The following GPC5 variants were observed in gnomAD, a reference collection of about 807,000 sequenced individuals.
GPC5 encodes the protein glypican 5, also known as glypican-5.
A neutral mutation model predicts 53.9 loss-of-function variants in GPC5; 47 were observed. The ratio of observed to expected loss-of-function variants is 0.87; its 90% CI spans 0.69 to 1.11. GPC5 has a LOEUF of 1.11. GPC5 is among the 50% of genes most tolerant of loss of function. The pLI is 0.00. For missense variants in GPC5, 748 were observed against 713.1 expected, an observed-to-expected ratio of 1.05 and a Z score of -0.56; for synonymous variants, 286 against 263.3, an observed-to-expected ratio of 1.09 and a Z score of -0.84.
intron 2 of GPC5, 110 bp downstream of exon 2, chr13:91,449,032 A>T (rs1880998994): frequency 8.3e-7 from 1 of 1,210,544 alleles, no homozygotes; most frequent in African/African-American, 1.5e-5. Context: ...TTTACATAAT[A>T]TTCGGGTATA....
rs774150879 is a variant in GPC5 at position 92,679,095 on chromosome 13, C to T, written c.1562-187187C>T. ...GATGTTAGATATCTAAATCTGAGTT[C>T]GGGAGATTTGAATGCATAGAAAATT... On this transcript the variant is annotated intron_variant, in intron 7 of 7. Transcript: ENST00000377067. 4.6e-5 allele frequency among the ~76,000 whole-genome samples: 7 copies of T among 152,036 alleles called. No individual in the cohort carries two copies. In the East Asian group the frequency reaches 5.8e-4, roughly 13 times the overall value.
At chr13:92,065,210 G>T (rs1423589303) in intron 6 of GPC5, among the ~76,000 whole-genome samples, 1 of 152,084 alleles carries the variant, frequency 6.6e-6, no homozygotes, top group East Asian at 1.9e-4. Flanking sequence ...TATCTATCAA[G>T]TGTTCAAATT....
At chr13:92,284,080 CA>C (rs1228422331) in intron 7 of GPC5, among the ~76,000 whole-genome samples, 7 of 152,152 alleles carry the variant, frequency 4.6e-5, no homozygotes, top group African/African-American at 1.7e-4. Flanking sequence ...CACAGAAATA[CA>C]AACTACCATC....
intron 4 of GPC5, among the ~76,000 whole-genome samples, chr13:91,748,353 C>T (rs2037097042): frequency 6.6e-6 from 1 of 152,108 alleles, no homozygotes; most frequent in South Asian, 2.1e-4. Context: ...TGCAACACAC[C>T]AGAAAGGTCT....
intron 7 of GPC5, 140 bp downstream of exon 7, chr13:92,145,129 GT>G: frequency 1.4e-6 from 1 of 717,060 alleles, no homozygotes; most frequent in Non-Finnish European, 2.0e-6. Flanking sequence ...TCTATTTTTG[GT>G]TTTTTAGGAC....
At chr13:91,799,586 T>A (rs184782806) in intron 5 of GPC5, among the ~76,000 whole-genome samples, 1 of 152,270 alleles carries the variant, frequency 6.6e-6, no homozygotes, top group East Asian at 1.9e-4. Flanking sequence ...TACTATAAAA[T>A]GTTTTATAGC....
chr13:92,548,866 T>A (rs1329603362), intron 7 of GPC5, among the ~76,000 whole-genome samples: 1 of 152,048 alleles, frequency 6.6e-6, no homozygotes, highest in Non-Finnish European at 1.5e-5. Context: ...TATCAAAACA[T>A]CTCATGTGCC....
chr13:92,201,517 T>C (rs571087444), intron 7 of GPC5, among the ~76,000 whole-genome samples: 28 of 152,346 alleles, frequency 1.8e-4, no homozygotes, highest in African/African-American at 6.3e-4. Flanking sequence ...ACAGCAGTGA[T>C]GCATGCATTT....
At chr13:92,390,979 C>T (rs1456031320) in intron 7 of GPC5, among the ~76,000 whole-genome samples, 7 of 151,874 alleles carry the variant, frequency 4.6e-5, no homozygotes, top group Non-Finnish European at 8.8e-5. Flanking sequence ...TATATGGTTT[C>T]ACTTCAAAAT....
chr13:92,086,719 A>G (rs1160921566), intron 6 of GPC5, among the ~76,000 whole-genome samples: 1 of 150,578 alleles, frequency 6.6e-6, no homozygotes, highest in Admixed American at 6.6e-5. Flanking sequence ...AGTGCAGTGG[A>G]GCAATCTTGG....
At chr13:91,910,234 T>C (rs1255561614) in intron 6 of GPC5, among the ~76,000 whole-genome samples, 1 of 152,182 alleles carries the variant, frequency 6.6e-6, no homozygotes, top group Non-Finnish European at 1.5e-5. Context: ...TGACTACTGA[T>C]AATGTACACG....
At chr13:92,763,917 G>A (rs1254358655) in intron 7 of GPC5, among the ~76,000 whole-genome samples, 1 of 152,094 alleles carries the variant, frequency 6.6e-6, no homozygotes, top group Admixed American at 6.5e-5. Flanking sequence ...ACCATATAGT[G>A]CACTCCGTAG....
intron 7 of GPC5, among the ~76,000 whole-genome samples, chr13:92,419,788 G>GTTTTTTTATTA (rs1876479952): frequency 6.6e-6 from 1 of 152,074 alleles, no homozygotes; most frequent in Non-Finnish European, 1.5e-5. Flanking sequence ...AAAAACTGAG[G>GTTTTTTTATTA]GATCCCACTC....
In GPC5 at chr13:91,471,861, G is replaced by T. The variant is rs920217914; in HGVS notation, c.325+22939G>T. The stretch of plus-strand genomic sequence containing the variant: ...AGCAGCCTCTTGATTGAACTAAAAA[G>T]TCTAGATAGATTTAGTTCTCTGCTG... On this transcript the variant is annotated intron_variant, in intron 2 of 7. Coordinates refer to ENST00000377067, the MANE Select transcript of GPC5 (RefSeq NM_004466.6). 2.6e-5 allele frequency among the ~76,000 whole-genome samples: 4 copies of T among 152,176 alleles called. No individual in the cohort carries two copies. In the East Asian group the frequency reaches 7.7e-4, roughly 29 times the overall value.
chr13:92,374,600 A>G (rs559588246), intron 7 of GPC5, among the ~76,000 whole-genome samples: 175 of 151,494 alleles, frequency 1.2e-3, no homozygotes, highest in Middle Eastern at 3.4e-3. Flanking sequence ...AACTATCGCA[A>G]GAACACAAAA....
intron 7 of GPC5, among the ~76,000 whole-genome samples, chr13:92,804,098 T>C (rs1196044867): frequency 6.6e-6 from 1 of 152,014 alleles, no homozygotes; most frequent in Non-Finnish European, 1.5e-5. Flanking sequence ...AGCAATCAGC[T>C]AGTAGTATGT....
At chr13:91,628,514 C>CTCTT (rs1363193738) in intron 2 of GPC5, among the ~76,000 whole-genome samples, 2 of 151,976 alleles carry the variant, frequency 1.3e-5, no homozygotes, top group Admixed American at 6.6e-5. Flanking sequence ...ATCTCTCTAT[C>CTCTT]TATCTGTCAT....
intron 7 of GPC5, among the ~76,000 whole-genome samples, chr13:92,396,874 G>C (rs192933689): frequency 1.3e-5 from 2 of 152,236 alleles, no homozygotes; most frequent in East Asian, 3.9e-4. Context: ...TAATCTGATG[G>C]GAGCAATGTC....
intron 7 of GPC5, among the ~76,000 whole-genome samples, chr13:92,802,452 G>T (rs1025359709): frequency 1.5e-4 from 22 of 151,470 alleles, no homozygotes; most frequent in Non-Finnish European, 4.4e-5. Flanking sequence ...AAGTTCTAGG[G>T]TACATGTGCA....
Sources: gnomAD v4.1 joint callset for allele counts (sites outside exome capture counted in the v4.1 genomes callset) on GRCh38, gnomAD v4.1.1 for gene constraint, MANE v1.5 for transcripts, NCBI Gene and HGNC (gene_info 2026-07-23, HGNC 2026-07-21) for gene names.